CABLES2: variants seen among roughly 807,000 people sequenced by gnomAD.
The protein encoded by CABLES2 is Cdk5 and Abl enzyme substrate 2, also known as CDK5 and ABL1 enzyme substrate 2.
Under a neutral mutation model 44.8 loss-of-function variants are expected in CABLES2, and 35 were observed. That is an observed-to-expected ratio of 0.78 (90% CI 0.60 to 1.04). The LOEUF (loss-of-function observed/expected upper bound fraction) is 1.04. Ranked by LOEUF, CABLES2 falls within the 50% of genes least tolerant of loss-of-function variation. The pLI is 0.00. For synonymous variants in CABLES2, 282 were observed against 281.1 expected (o/e 1.00, Z -0.03); for missense variants, 566 against 615.7 (o/e 0.92, Z 0.85).
chr20:62,398,020 T>TGGA (rs1988071794), intron 1 of CABLES2, among the ~76,000 whole-genome samples: 1 of 128,024 alleles, frequency 7.8e-6, no homozygotes, highest in Admixed American at 7.5e-5. Context: ...ATGGCGGTGG[T>TGGA]GGTGGTGGTG....
intron 1 of CABLES2, among the ~76,000 whole-genome samples, chr20:62,397,276 A>G (rs1250785884): frequency 2.6e-5 from 4 of 152,024 alleles, no homozygotes; most frequent in Non-Finnish European, 5.9e-5. Flanking sequence ...GGCACTGGTC[A>G]CTACAGGAAG....
chr20:62,390,851 C>A lies in CABLES2; in HGVS notation c.*120G>T. The A allele has an allele frequency of 1.7e-6, 2 of 1,201,484 alleles. No homozygotes were observed. Among genetic ancestry groups the A allele is most frequent in the South Asian group, 2.7e-5 (2 of 73,014 alleles). 74.4% of individuals were successfully genotyped at this position (1,201,484 alleles called of 1,614,324 possible). On this transcript the variant is annotated 3_prime_UTR_variant, in exon 10 of 10. Coordinates refer to ENST00000279101, the MANE Select transcript of CABLES2 (RefSeq NM_031215.3). Reference sequence around the variant, plus strand: ...AAAGGAAAGCTGCACCAGCGGAGGCCAGGTGCCTCCTGCTAGCAGGTGCTG... The same window carrying A: ...AAAGGAAAGCTGCACCAGCGGAGGCAAGGTGCCTCCTGCTAGCAGGTGCTG...
At chr20:62,395,342 C>T (rs1387609471) in intron 3 of CABLES2, among the ~76,000 whole-genome samples, 1 of 152,226 alleles carries the variant, frequency 6.6e-6, no homozygotes, top group Non-Finnish European at 1.5e-5. Flanking sequence ...GCGGCCTCAC[C>T]TCAGGATCTT....
chr20:62,395,000 C>A lies in CABLES2; in HGVS notation c.542G>T (p.Cys181Phe), dbSNP rs1438751705. 6.2e-7 allele frequency: 1 copy of A among 1,612,916 alleles called. No individual in the cohort carries two copies. Among genetic ancestry groups the A allele is most frequent in the South Asian group, 1.1e-5 (1 of 91,072 alleles). The change falls in exon 4 of 10, where the codon TGT becomes TTT. Residue 181 changes from cysteine (C) to phenylalanine (F), a missense_variant. Coordinates refer to ENST00000279101, the MANE Select transcript of CABLES2 (RefSeq NM_031215.3). ...GGCCGCGCACAGGGACCGCTTGGCA[C>A]AGATGAGCACGATCCTGCAGGGGGA... is the stretch of plus-strand genomic sequence containing the variant. ...DTRNSRIVLI[C>F]AKRSLCAAFS...
At chr20:62,402,154 T>A (rs1268308487) in intron 1 of CABLES2, 1 of 152,200 alleles carries the variant, frequency 6.6e-6, no homozygotes, top group African/African-American at 2.4e-5. Context: ...GCCCCCCCAG[T>A]CTGCTGACAC....
chr20:62,392,792 G>T, intron 7 of CABLES2, 128 bp downstream of exon 7: 1 of 827,294 alleles, frequency 1.2e-6, no homozygotes, highest in South Asian at 1.6e-5. Flanking sequence ...CACTGTCTGT[G>T]CTGCTGCGAT....
In CABLES2 at chr20:62,388,634, T is replaced by C. The variant is rs141736681; in HGVS notation, c.*2337A>G. ...GAAAGGAGACAAGCTGTGAAACATA[T>C]TGCAAAACTGAGGTTTAAAGGACAA... On this transcript the variant is annotated 3_prime_UTR_variant, in exon 10 of 10. Coordinates refer to ENST00000279101, the MANE Select transcript of CABLES2 (RefSeq NM_031215.3). The C allele has an allele frequency of 7.0e-4, 456 of 648,166 alleles. 1 individual carries two copies. The highest frequency in any genetic ancestry group is 6.5e-3 in the African/African-American group (353 of 54,720). 40.2% of individuals were successfully genotyped at this position (648,166 alleles called of 1,614,324 possible). A position where few individuals can be genotyped will look rare whatever the true frequency, so the allele number is the denominator to read the frequency against.
At chr20:62,402,729 C>T (rs1988212186) in intron 1 of CABLES2, 1 of 152,390 alleles carries the variant, frequency 6.6e-6, no homozygotes, top group Non-Finnish European at 1.5e-5. Context: ...AAGTCCAGCA[C>T]TCCCTGCGGG....
chr20:62,400,391 G>A (rs1224937806), intron 1 of CABLES2, among the ~76,000 whole-genome samples: 3 of 152,224 alleles, frequency 2.0e-5, no homozygotes, highest in Non-Finnish European at 4.4e-5. Context: ...GTCCCGAGAG[G>A]CCCAGGTGAG....
Position 62,391,338 on chromosome 20 carries a change from T to C in CABLES2, c.1207A>G (p.Asn403Asp). ...LVLQGKLSKQ[N>D]RKLCAGACVL... The stretch of plus-strand genomic sequence containing the variant: ...CAGGCGCCAGCGCACAGCTTGCGGT[T>C]CTGTTTGCTGAGCTTGCCCTGCAGG... Residue 403 changes from asparagine to aspartate, a missense_variant, in exon 9 of 10, where the codon AAC becomes GAC. Physicochemically the swap from Asn to Asp is conservative, Grantham distance 23. Transcript: ENST00000279101. This position sits in a 1 kb window ranked among gnomAD's most constrained non-coding sequence, Gnocchi z 5.7. 1.2e-6 allele frequency: 2 copies of C among 1,613,394 alleles called. No individual in the cohort carries two copies. The highest frequency in any genetic ancestry group is 2.2e-5 in the South Asian group (2 of 91,092).
chr20:62,406,852 C>G (rs923304735), intron 1 of CABLES2, 63 bp downstream of exon 1: 15 of 974,726 alleles, frequency 1.5e-5, no homozygotes, highest in Admixed American at 4.8e-5. Flanking sequence ...CTGGGCTGAT[C>G]CGGCCCCCGT....
intron 1 of CABLES2, among the ~76,000 whole-genome samples, chr20:62,398,333 ATGG>A (rs1988123847): frequency 7.4e-6 from 1 of 134,980 alleles, no homozygotes; most frequent in Admixed American, 7.1e-5. Flanking sequence ...GGTGGTGACG[ATGG>A]TGGTGATGGT....
At chr20:62,401,989 T>C (rs563852568) in intron 1 of CABLES2, among the ~76,000 whole-genome samples, 5 of 152,374 alleles carry the variant, frequency 3.3e-5, no homozygotes, top group African/African-American at 1.2e-4. Context: ...ATGCAAGTTC[T>C]GCTGAGTCCC....
At chr20:62,398,109 G>GTGGTGGTGGTGGTGGTGGTGGTGGTGA (rs1569017623) in intron 1 of CABLES2, among the ~76,000 whole-genome samples, 13 of 104,904 alleles carry the variant, frequency 1.2e-4, no homozygotes, top group East Asian at 9.1e-4. Flanking sequence ...GGTGGTGATG[G>GTGGTGGTGGTGGTGGTGGTGGTGGTGA]TGGTGGTGGT....
At chr20:62,398,121 G>GTGGTGGTGATGGCGGTGGTGGTGA (rs1555890790) in intron 1 of CABLES2, among the ~76,000 whole-genome samples, 4 of 82,510 alleles carry the variant, frequency 4.8e-5, no homozygotes, top group African/African-American at 2.5e-4. Context: ...GGTGGTGGTG[G>GTGGTGGTGATGGCGGTGGTGGTGA]TGGTTATGAC....
intron 1 of CABLES2, among the ~76,000 whole-genome samples, chr20:62,398,189 GGTGA>G (rs1988107069): frequency 7.7e-6 from 1 of 129,450 alleles, no homozygotes. Context: ...TGGTGGTGAT[GGTGA>G]TGATGGTGGT....
At chr20:62,398,121 G>GTGGTGATGGCGGTGGTGGTCA (rs1555890790) in intron 1 of CABLES2, among the ~76,000 whole-genome samples, 1 of 82,418 alleles carries the variant, frequency 1.2e-5, no homozygotes, top group Non-Finnish European at 2.3e-5. Flanking sequence ...GGTGGTGGTG[G>GTGGTGATGGCGGTGGTGGTCA]TGGTTATGAC....
chr20:62,398,094 GTGGTGGTGGTGA>G (rs1988087902), intron 1 of CABLES2, among the ~76,000 whole-genome samples: 6 of 138,946 alleles, frequency 4.3e-5, no homozygotes, highest in East Asian at 4.5e-4. Flanking sequence ...GGTGACGGTG[GTGGTGGTGGTGA>G]TGGTGGTGGT....
At position 62,395,022 on chromosome 20, in the gene CABLES2, G is replaced by T; in HGVS notation, c.528-8C>A. On this transcript the variant is annotated splice_region_variant and splice_polypyrimidine_tract_variant and intron_variant, in intron 3 of 9. Transcript: ENST00000279101. Reference sequence around the variant, plus strand: ...GCACAGATGAGCACGATCCTGCAGGGGGACGGAGTCAGGGGAGACGGGGCC... The same window carrying T: ...GCACAGATGAGCACGATCCTGCAGGTGGACGGAGTCAGGGGAGACGGGGCC... 1 of 1,612,384 alleles carries T rather than the reference G, an allele frequency of 6.2e-7. No individual in the cohort carries two copies. Among genetic ancestry groups the T allele is most frequent in the Non-Finnish European group, 8.5e-7 (1 of 1,179,510 alleles).
Sources: gnomAD v4.1 joint callset for allele counts (sites outside exome capture counted in the v4.1 genomes callset) on GRCh38, gnomAD v4.1.1 for gene constraint, Gnocchi (gnomAD v3.1) non-coding constraint, MANE v1.5 for transcripts, NCBI Gene and HGNC (gene_info 2026-07-23, HGNC 2026-07-21) for gene names.